LYVE1: variants seen among roughly 807,000 people sequenced by gnomAD.
LYVE1 encodes lymphatic vessel endothelial hyaluronic acid receptor 1.
In LYVE1, 29 loss-of-function variants were observed where a neutral mutation model predicts 31.5. The ratio of observed to expected loss-of-function variants is 0.92; its 90% CI spans 0.69 to 1.26. LYVE1 has a LOEUF of 1.26. LYVE1 is among the 50% of genes most tolerant of loss of function. The pLI, the probability that LYVE1 is intolerant of heterozygous loss-of-function variation, is 0.00. For synonymous variants in LYVE1, 134 were observed against 139.4 expected, an observed-to-expected ratio of 0.96 and a Z score of 0.27; for missense variants, 376 against 380.2, an observed-to-expected ratio of 0.99 and a Z score of 0.09.
In LYVE1 at chr11:10,560,503, C is replaced by T. The variant is rs1181695781; in HGVS notation, c.695G>A (p.Gly232Glu). ...NKAAFKNEAA[G>E]FGGVPTALLV... ...ACACAGAAACCATTTACCTCCAAAC[C>T]CAGCAGCTTCATTCTTGAATGCTGC... is the stretch of plus-strand genomic sequence containing the variant. Residue 232 changes from glycine to glutamate, a missense_variant, in exon 4 of 6, where the codon GGG becomes GAG. By Grantham distance (98) the Gly-to-Glu change is moderately conservative. Transcript: ENST00000256178. The T allele has an allele frequency of 6.2e-7, 1 of 1,604,866 alleles. No individual in the cohort carries two copies. Among genetic ancestry groups the T allele is most frequent in the East Asian group, 2.2e-5 (1 of 44,752 alleles).
chr11:10,558,934 A>G lies in LYVE1; in HGVS notation c.*177T>C. ...TCCAGACAGGGTTACAATAAGGAGA[A>G]GGGCATTCTCTTTGGTGCACTCCAT... On this transcript the variant is annotated 3_prime_UTR_variant, in exon 6 of 6. Coordinates refer to ENST00000256178, the MANE Select transcript of LYVE1 (RefSeq NM_006691.4). 1 of 590,272 alleles carries G rather than the reference A, an allele frequency of 1.7e-6. No individual in the cohort carries two copies. The highest frequency in any genetic ancestry group is 2.7e-5 in the East Asian group (1 of 36,618). 36.6% of individuals were successfully genotyped at this position (590,272 alleles called of 1,614,324 possible).
chr11:10,563,292 A>G (rs1772378124), intron 3 of LYVE1, among the ~76,000 whole-genome samples: 1 of 152,152 alleles, frequency 6.6e-6, no homozygotes, highest in African/African-American at 2.4e-5. Flanking sequence ...GATAAAGCAT[A>G]TCTCATAGGG....
chr11:10,557,276 T>C lies in LYVE1; in HGVS notation c.*1835A>G, dbSNP rs1198325336. The C allele has an allele frequency of 6.6e-6, 1 of 152,220 alleles. No homozygotes were observed. The highest frequency in any genetic ancestry group is 2.4e-5 in the African/African-American group (1 of 41,466). The allele number at this position is 152,220 out of a possible 1,614,324, so 9.4% of individuals were successfully genotyped here. A position where few individuals can be genotyped will look rare whatever the true frequency, so the allele number is the denominator to read the frequency against. On this transcript the variant is annotated 3_prime_UTR_variant, in exon 6 of 6. Coordinates refer to ENST00000256178, the MANE Select transcript of LYVE1 (RefSeq NM_006691.4). ...TTGAAAGGGGACAGCTGCTACTCAG[T>C]ATCAGATAATGATTGCTATGAGGGA...
In LYVE1 at chr11:10,559,301, T is replaced by C. The variant is rs763689708; in HGVS notation, c.783-4A>G. The C allele has an allele frequency of 1.9e-6, 3 of 1,609,706 alleles. No homozygotes were observed. Among genetic ancestry groups the C allele is most frequent in the South Asian group, 2.2e-5 (2 of 90,402 alleles). On this transcript the variant is annotated splice_polypyrimidine_tract_variant and splice_region_variant and intron_variant, in intron 5 of 5. Transcript: ENST00000256178. ...AAAAGGGAAGGCCTTCACATACCTTTAGGCAGAAACATGAAATTAAAGTGA... is the reference window on the plus strand; with the variant it reads ...AAAAGGGAAGGCCTTCACATACCTTCAGGCAGAAACATGAAATTAAAGTGA...
At chr11:10,565,463 C>T (rs1482085156) in intron 1 of LYVE1, among the ~76,000 whole-genome samples, 3 of 152,330 alleles carry the variant, frequency 2.0e-5, no homozygotes, top group Non-Finnish European at 4.4e-5. Flanking sequence ...ATTTAAATCT[C>T]TCAAGTAATT....
At position 10,568,612 on chromosome 11, in the gene LYVE1, C is replaced by A; in HGVS notation, c.-80G>T. 6.6e-7 allele frequency: 1 copy of A among 1,523,190 alleles called. No individual in the cohort carries two copies. The highest frequency in any genetic ancestry group is 2.3e-5 in the East Asian group (1 of 42,736). The allele number at this position is 1,523,190 out of a possible 1,614,324, so 94.4% of individuals were successfully genotyped here. ...AGAGGCAGATGCTCAATAACTAGTCCGGATGGAGAGTTCTGGAACTATGTT... is the reference window on the plus strand; with the variant it reads ...AGAGGCAGATGCTCAATAACTAGTCAGGATGGAGAGTTCTGGAACTATGTT... On this transcript the variant is annotated 5_prime_UTR_variant, in exon 1 of 6. Coordinates refer to ENST00000256178, the MANE Select transcript of LYVE1 (RefSeq NM_006691.4).
intron 1 of LYVE1, among the ~76,000 whole-genome samples, chr11:10,568,040 C>G (rs1850577220): frequency 6.6e-6 from 1 of 152,112 alleles, no homozygotes; most frequent in Admixed American, 6.6e-5. Context: ...TGGCTCATGC[C>G]TGCAATCCCA....
At chr11:10,566,932 C>G (rs1477469740) in intron 1 of LYVE1, among the ~76,000 whole-genome samples, 1 of 152,074 alleles carries the variant, frequency 6.6e-6, no homozygotes, top group East Asian at 1.9e-4. Context: ...AAAGAGGGAG[C>G]TGGAATTTAA....
Position 10,568,484 on chromosome 11 carries a change from T to C in LYVE1, c.49A>G (p.Thr17Ala), listed in dbSNP as rs771190217. 1.2e-6 allele frequency: 2 copies of C among 1,614,114 alleles called. No homozygotes were observed. The highest frequency in any genetic ancestry group is 2.2e-5 in the South Asian group (2 of 91,080). ...AAAGAGCCTTGGACCAGGAGCCTCG[T>C]GGTCCAGATGGAAGTGAGAAGCAAC... is the stretch of plus-strand genomic sequence containing the variant. ...LVLLLTSIWT[T>A]RLLVQGSLRA... The change falls in exon 1 of 6, where the codon ACG becomes GCG. Residue 17 changes from threonine (T) to alanine (A), a missense_variant. Thr to Ala is a moderately conservative substitution (Grantham distance 58). Transcript: ENST00000256178.
chr11:10,564,428 T>G (rs2134010719), intron 1 of LYVE1, 54 bp from the exon 2 acceptor site: 1 of 1,537,292 alleles, frequency 6.5e-7, no homozygotes, highest in East Asian at 2.3e-5. Context: ...TTTCCAGCCC[T>G]TAGACTCTCC....
In LYVE1 at chr11:10,558,015, G is replaced by T. The variant is rs1163114252; in HGVS notation, c.*1096C>A. 1 of 152,072 alleles carries T rather than the reference G, an allele frequency of 6.6e-6. No individual in the cohort carries two copies. The highest frequency in any genetic ancestry group is 1.5e-5 in the Non-Finnish European group (1 of 68,010). 9.4% of individuals were successfully genotyped at this position (152,072 alleles called of 1,614,324 possible). A position where few individuals can be genotyped will look rare whatever the true frequency, so the allele number is the denominator to read the frequency against. Reference sequence around the variant, plus strand: ...ATAGAGGTAACAATGTACTTCTTAGGTATGTTAATAATAAATTAAGGTTAT... The same window carrying T: ...ATAGAGGTAACAATGTACTTCTTAGTTATGTTAATAATAAATTAAGGTTAT... On this transcript the variant is annotated 3_prime_UTR_variant, in exon 6 of 6. Coordinates refer to ENST00000256178, the MANE Select transcript of LYVE1 (RefSeq NM_006691.4).
intron 1 of LYVE1, among the ~76,000 whole-genome samples, chr11:10,566,490 C>A (rs759321533): frequency 4.6e-5 from 7 of 152,168 alleles, no homozygotes; most frequent in Non-Finnish European, 8.8e-5. Flanking sequence ...CACACACACA[C>A]CCCTAGGCTG....
intron 3 of LYVE1, among the ~76,000 whole-genome samples, chr11:10,563,000 C>T (rs1033133645): frequency 7.9e-6 from 1 of 126,164 alleles, no homozygotes; most frequent in African/African-American, 3.0e-5. Context: ...GTCGCCCAGG[C>T]TGGAGTGCAA....
intron 1 of LYVE1, among the ~76,000 whole-genome samples, chr11:10,567,136 C>CT (rs1313068242): frequency 2.6e-5 from 4 of 152,170 alleles, no homozygotes; most frequent in Admixed American, 1.3e-4. Context: ...GTCACTTCAC[C>CT]TATAAACTGT....
chr11:10,564,317 G>C lies in LYVE1; in HGVS notation c.143C>G (p.Ala48Gly). The C allele has an allele frequency of 6.2e-7, 1 of 1,614,138 alleles. No homozygotes were observed. The change falls in exon 2 of 6, where the codon GCG (alanine) becomes GGG (glycine). Residue 48 changes from alanine (A) to glycine (G), a missense_variant. Coordinates refer to ENST00000256178, the MANE Select transcript of LYVE1 (RefSeq NM_006691.4). ...IMGITLVSKK[A>G]NQQLNFTEAK... ...TTCTGTGAAATTCAGCTGCTGGTTC[G>C]CCTTTTTGCTCACAAGGGTGATCCC... is the stretch of plus-strand genomic sequence containing the variant.
chr11:10,565,855 G>A (rs1850526784), intron 1 of LYVE1, among the ~76,000 whole-genome samples: 1 of 151,724 alleles, frequency 6.6e-6, no homozygotes, highest in Admixed American at 6.6e-5. Context: ...TTGTTGCCCA[G>A]GCTGGAGTGC....
rs1275763229 is a variant in LYVE1 at position 10,557,830 on chromosome 11, A to G, written c.*1281T>C. ...CTGGTCCTCACTTTAATTTTACATG[A>G]AAGGTATAATGCATCTACGTAAATA... On this transcript the variant is annotated 3_prime_UTR_variant, in exon 6 of 6. Coordinates refer to ENST00000256178, the MANE Select transcript of LYVE1 (RefSeq NM_006691.4). 6.6e-6 allele frequency: 1 copy of G among 152,214 alleles called. No homozygotes were observed. Among genetic ancestry groups the G allele is most frequent in the Non-Finnish European group, 1.5e-5 (1 of 68,044 alleles). The allele number at this position is 152,214 out of a possible 1,614,324, so 9.4% of individuals were successfully genotyped here. A position where few individuals can be genotyped will look rare whatever the true frequency, so the allele number is the denominator to read the frequency against.
chr11:10,562,629 C>T (rs1362128804), intron 3 of LYVE1, among the ~76,000 whole-genome samples: 1 of 152,138 alleles, frequency 6.6e-6, no homozygotes, highest in African/African-American at 2.4e-5. Flanking sequence ...AGACAGGGGT[C>T]CTTATGACAA....
At position 10,563,939 on chromosome 11, in the gene LYVE1, C is replaced by T. The variant is rs755850058; in HGVS notation, c.397+1G>A. 2.2e-5 allele frequency: 36 copies of T among 1,613,994 alleles called. No individual in the cohort carries two copies. The highest frequency in any genetic ancestry group is 3.1e-5 in the Non-Finnish European group (36 of 1,180,034). On this transcript the variant is annotated splice_donor_variant, in intron 3 of 5. Transcript: ENST00000256178. LOFTEE classifies it high-confidence loss of function. ...GTGGAAAGGTTGCAGATCAGACTCA[C>T]CAGATGAGTTGTAACAATAGGCTGC...
Sources: gnomAD v4.1 joint callset for allele counts (sites outside exome capture counted in the v4.1 genomes callset) on GRCh38, gnomAD v4.1.1 for gene constraint, MANE v1.5 for transcripts, NCBI Gene and HGNC (gene_info 2026-07-23, HGNC 2026-07-21) for gene names.